Variants in GATAD2B observed in about 807,000 individuals in gnomAD.
GATAD2B encodes GATA zinc finger domain containing 2B.
GATAD2B carries 8 observed loss-of-function variants against 64.3 expected under a neutral mutation model. The observed-to-expected ratio is 0.12, with a 90% CI of 0.07 to 0.22. The LOEUF (loss-of-function observed/expected upper bound fraction) is 0.22. Ranked by LOEUF, GATAD2B falls within the 10% of genes least tolerant of loss-of-function variation. The pLI is 1.00. For missense variants in GATAD2B, 453 were observed against 752.0 expected (o/e 0.60, Z 4.65); for synonymous variants, 281 against 271.3 (o/e 1.04, Z -0.35).
intron 1 of GATAD2B, among the ~76,000 whole-genome samples, chr1:153,857,440 T>C (rs1051856997): frequency 6.6e-6 from 1 of 152,116 alleles, no homozygotes; most frequent in African/African-American, 2.4e-5. Flanking sequence ...AGGGAGACTC[T>C]CAAATGTGTG....
At chr1:153,893,293 A>G (rs1677478974) in intron 1 of GATAD2B, among the ~76,000 whole-genome samples, 1 of 152,182 alleles carries the variant, frequency 6.6e-6, no homozygotes, top group African/African-American at 2.4e-5. Flanking sequence ...TTTACAGGGC[A>G]GTAAATGTTC....
At chr1:153,827,278 T>A (rs1335122301) in intron 2 of GATAD2B, among the ~76,000 whole-genome samples, 10 of 135,670 alleles carry the variant, frequency 7.4e-5, no homozygotes, top group East Asian at 2.2e-4. Context: ...AAAAAACTCA[T>A]AAAAAACAAA....
intron 1 of GATAD2B, among the ~76,000 whole-genome samples, chr1:153,862,125 T>A (rs1290787301): frequency 7.0e-6 from 1 of 141,918 alleles, no homozygotes; most frequent in Non-Finnish European, 1.5e-5. Flanking sequence ...ATCCTTTTTT[T>A]TTTTTTTTTT....
intron 1 of GATAD2B, among the ~76,000 whole-genome samples, chr1:153,893,789 C>T: frequency 6.6e-6 from 1 of 151,288 alleles, no homozygotes; most frequent in East Asian, 1.9e-4. Context: ...GAAATCCCAT[C>T]TCTACTGAAA....
intron 1 of GATAD2B, among the ~76,000 whole-genome samples, chr1:153,860,617 G>A (rs1199092339): frequency 1.3e-5 from 2 of 151,658 alleles, no homozygotes. Flanking sequence ...TTCCAGGCAC[G>A]ACTCACTGCC....
At chr1:153,812,189 C>CA in intron 8 of GATAD2B, 57 bp from the exon 9 acceptor site, 1 of 741,074 alleles carries the variant, frequency 1.3e-6, no homozygotes, top group Non-Finnish European at 2.1e-6. Context: ...TACCCAATTT[C>CA]CTTTTTTTTT....
At chr1:153,814,245 T>C (rs1279569817) in intron 7 of GATAD2B, among the ~76,000 whole-genome samples, 3 of 152,262 alleles carry the variant, frequency 2.0e-5, no homozygotes, top group Admixed American at 6.5e-5. Context: ...CTCTGGGCAC[T>C]TTACTGGCAG....
chr1:153,894,896 C>T (rs1677536685), intron 1 of GATAD2B, among the ~76,000 whole-genome samples: 1 of 151,858 alleles, frequency 6.6e-6, no homozygotes, highest in African/African-American at 2.4e-5. Flanking sequence ...AGGTGGCTCA[C>T]ACCTGTAATC....
At chr1:153,829,809 C>T (rs958026041) in intron 1 of GATAD2B, among the ~76,000 whole-genome samples, 5 of 151,864 alleles carry the variant, frequency 3.3e-5, no homozygotes, top group South Asian at 2.1e-4. Flanking sequence ...ATAAATAAAA[C>T]GAAACAGGGG....
chr1:153,882,702 T>C (rs1023717373), intron 1 of GATAD2B, among the ~76,000 whole-genome samples: 2 of 152,224 alleles, frequency 1.3e-5, no homozygotes, highest in African/African-American at 4.8e-5. Flanking sequence ...CTTTGCATTC[T>C]AGCACCTCCT....
intron 1 of GATAD2B, among the ~76,000 whole-genome samples, chr1:153,909,043 T>C (rs565294336): frequency 6.6e-6 from 1 of 151,900 alleles, no homozygotes; most frequent in African/African-American, 2.4e-5. Flanking sequence ...CCCCACAAAA[T>C]TTATTTTAAA....
At chr1:153,820,077 AAC>A (rs1442980768) in intron 2 of GATAD2B, among the ~76,000 whole-genome samples, 12 of 151,410 alleles carry the variant, frequency 7.9e-5, no homozygotes, top group African/African-American at 2.9e-4. Flanking sequence ...CAGCCTGGGC[AAC>A]AGAGCGAGGT....
intron 1 of GATAD2B, among the ~76,000 whole-genome samples, chr1:153,838,573 C>T (rs1446468796): frequency 6.6e-6 from 1 of 152,012 alleles, no homozygotes. Flanking sequence ...GCAATCATGG[C>T]TCACTGAAGC....
At chr1:153,886,188 T>C (rs891742401) in intron 1 of GATAD2B, among the ~76,000 whole-genome samples, 3 of 152,260 alleles carry the variant, frequency 2.0e-5, no homozygotes, top group Non-Finnish European at 4.4e-5. Context: ...CATACAGTTA[T>C]GTGTTGCTTA....
intron 1 of GATAD2B, among the ~76,000 whole-genome samples, chr1:153,832,441 G>A (rs905701212): frequency 6.6e-6 from 1 of 152,118 alleles, no homozygotes; most frequent in South Asian, 2.1e-4. Context: ...TGTGAAGGCT[G>A]GGAGAAATGA....
At chr1:153,821,574 T>A (rs1674684917) in intron 2 of GATAD2B, among the ~76,000 whole-genome samples, 1 of 152,040 alleles carries the variant, frequency 6.6e-6, no homozygotes, top group Admixed American at 6.6e-5. Context: ...AGTGTCTGCA[T>A]TCTTTTTTTT....
At chr1:153,813,541 C>A in intron 7 of GATAD2B, 89 bp from the exon 8 acceptor site, 2 of 862,048 alleles carry the variant, frequency 2.3e-6, no homozygotes, top group Non-Finnish European at 3.7e-6. Context: ...GGAGTTTATT[C>A]TGTTGAATTA....
intron 1 of GATAD2B, among the ~76,000 whole-genome samples, chr1:153,832,450 G>A (rs553449582): frequency 2.2e-4 from 34 of 152,268 alleles, no homozygotes; most frequent in African/African-American, 7.5e-4. Context: ...TGGGAGAAAT[G>A]AGGAAGCTGC....
chr1:153,887,519 T>C (rs1455992097), intron 1 of GATAD2B, among the ~76,000 whole-genome samples: 1 of 152,170 alleles, frequency 6.6e-6, no homozygotes, highest in Non-Finnish European at 1.5e-5. Context: ...GACTAGTTCT[T>C]AACACAGACA....
Sources: gnomAD v4.1 joint callset for allele counts (sites outside exome capture counted in the v4.1 genomes callset) on GRCh38, gnomAD v4.1.1 for gene constraint, MANE v1.5 for transcripts, NCBI Gene and HGNC (gene_info 2026-07-23, HGNC 2026-07-21) for gene names.